The following MED12L variants were observed in gnomAD, a reference collection of about 807,000 sequenced individuals.
The protein encoded by MED12L is mediator complex subunit 12L, also known as mediator of RNA polymerase II transcription subunit 12-like protein.
In MED12L, 60 loss-of-function variants were observed where a neutral mutation model predicts 281.3. The observed-to-expected ratio is 0.21, with a 90% CI of 0.17 to 0.26. The LOEUF (loss-of-function observed/expected upper bound fraction) is 0.26. Ranked by LOEUF, MED12L falls within the 10% of genes least tolerant of loss-of-function variation. The pLI, the probability that MED12L is intolerant of heterozygous loss-of-function variation, is 1.00. For synonymous variants in MED12L, 974 were observed against 987.2 expected, an observed-to-expected ratio of 0.99 and a Z score of 0.25; for missense variants, 2,146 against 2,680.9, an observed-to-expected ratio of 0.80 and a Z score of 4.41.
intron 20 of MED12L, among the ~76,000 whole-genome samples, chr3:151,359,220 C>G (rs1013972964): frequency 2.0e-5 from 3 of 152,060 alleles, no homozygotes; most frequent in Non-Finnish European, 4.4e-5. Flanking sequence ...AGGATAATGG[C>G]CTGCAGCTAC....
intron 16 of MED12L, chr3:151,336,463 T>A: frequency 2.2e-6 from 1 of 454,346 alleles, no homozygotes; most frequent in Non-Finnish European, 4.4e-6. Flanking sequence ...CAGTGAACTT[T>A]ATACAACAAT....
chr3:151,314,253 A>G (rs548200127), intron 16 of MED12L, among the ~76,000 whole-genome samples: 293 of 152,372 alleles, frequency 1.9e-3, no homozygotes, highest in Non-Finnish European at 3.7e-3. Context: ...CAATAATAAT[A>G]TTAATGAAAC....
Position 151,169,125 on chromosome 3 carries a change from T to TG in MED12L, c.1494+3143_1494+3144insG, listed in dbSNP as rs199557350. On this transcript the variant is annotated intron_variant, in intron 11 of 44. Transcript: ENST00000687756. ...TTCTTTGTTTTTTTTTTTTTTTGTT[T>TG]TTTTTTTTTTGAGACGGAGTCTCTG... Among the ~76,000 whole-genome samples the TG allele has an allele frequency of 7.5e-3, 1,091 of 144,916 alleles. 10 individuals carry two copies. The highest frequency in any genetic ancestry group is 0.026 in the African/African-American group (1,011 of 39,212).
chr3:151,343,754 A>C (rs1752183035), intron 16 of MED12L, among the ~76,000 whole-genome samples: 1 of 56,160 alleles, frequency 1.8e-5, no homozygotes, highest in Non-Finnish European at 3.6e-5. Context: ...AAGTGGCTTA[A>C]CTGGTTTGTT....
intron 16 of MED12L, among the ~76,000 whole-genome samples, chr3:151,293,377 A>G (rs925144977): frequency 6.6e-6 from 1 of 152,186 alleles, no homozygotes; most frequent in African/African-American, 2.4e-5. Flanking sequence ...TGCGTCTCCC[A>G]CGAGGCATTT....
chr3:151,336,587 A>G (rs1410818870), intron 16 of MED12L: 1 of 455,342 alleles, frequency 2.2e-6, no homozygotes. Flanking sequence ...GTAAACTTCC[A>G]CATGTGTTAT....
intron 16 of MED12L, among the ~76,000 whole-genome samples, chr3:151,196,833 G>A (rs1724734212): frequency 6.6e-6 from 1 of 152,224 alleles, no homozygotes; most frequent in South Asian, 2.1e-4. Flanking sequence ...ATTGTAGATA[G>A]GATTTTCAAG....
chr3:151,193,209 T>TTC (rs1724208854), intron 15 of MED12L, among the ~76,000 whole-genome samples: 1 of 152,230 alleles, frequency 6.6e-6, no homozygotes, highest in Non-Finnish European at 1.5e-5. Flanking sequence ...TTACCCATAA[T>TTC]TCTGCTTTTA....
Position 151,365,778 on chromosome 3 carries a change from AT to A in MED12L, c.3186-70del, listed in dbSNP as rs1432618411. 3.1e-6 allele frequency: 4 copies of A among 1,282,934 alleles called. No individual in the cohort carries two copies. The Admixed American group carries it at 1.0e-4, about 32-fold the overall frequency. The allele number at this position is 1,282,934 out of a possible 1,614,324, so 79.5% of individuals were successfully genotyped here. On this transcript the variant is annotated intron_variant, in intron 22 of 44. Coordinates refer to ENST00000687756, the MANE Select transcript of MED12L (RefSeq NM_001393769.1). ...TTTGATGTTAGTGAAATATATGTTA[AT>A]TAAGTATATCACAGGTGAGTATTTC...
chr3:151,424,610 A>C, intron 43 of MED12L, among the ~76,000 whole-genome samples: 2 of 138,702 alleles, frequency 1.4e-5, no homozygotes, highest in African/African-American at 2.6e-5. Flanking sequence ...GACTGAGCAA[A>C]ACTCTGTCTC....
At chr3:151,348,222 A>G (rs1752764788) in intron 16 of MED12L, among the ~76,000 whole-genome samples, 1 of 151,716 alleles carries the variant, frequency 6.6e-6, no homozygotes, top group Admixed American at 6.6e-5. Flanking sequence ...ACCATCTGAT[A>G]TGCCTTAACT....
chr3:151,372,020 A>G (rs528133891), intron 26 of MED12L, among the ~76,000 whole-genome samples: 17 of 152,308 alleles, frequency 1.1e-4, no homozygotes, highest in African/African-American at 4.1e-4. Context: ...TGAATGCCCT[A>G]CTTTTCAGGG....
At chr3:151,252,609 A>G (rs550961826) in intron 16 of MED12L, among the ~76,000 whole-genome samples, 1 of 152,218 alleles carries the variant, frequency 6.6e-6, no homozygotes, top group African/African-American at 2.4e-5. Context: ...TTCGTAAATG[A>G]TACTTCTAAA....
chr3:151,221,380 A>G (rs71306544), intron 16 of MED12L, among the ~76,000 whole-genome samples: 7,931 of 152,340 alleles, frequency 0.052, 291 homozygotes, highest in Middle Eastern at 0.099. Flanking sequence ...CTGAATGTTA[A>G]TCACCAAGAA....
chr3:151,246,699 A>T (rs908749378), intron 16 of MED12L, among the ~76,000 whole-genome samples: 2 of 152,210 alleles, frequency 1.3e-5, no homozygotes, highest in African/African-American at 2.4e-5. Flanking sequence ...ACCATTCAGG[A>T]CATAGGCATG....
At chr3:151,411,184 C>G in intron 40 of MED12L, 94 bp from the exon 41 acceptor site, 1 of 994,548 alleles carries the variant, frequency 1.0e-6, no homozygotes, top group East Asian at 2.5e-5. Context: ...TCAGGGGAGT[C>G]CTCATGGGTT....
chr3:151,364,491 T>C (rs1477504838), intron 21 of MED12L, among the ~76,000 whole-genome samples: 4 of 152,194 alleles, frequency 2.6e-5, no homozygotes, highest in Non-Finnish European at 4.4e-5. Context: ...TTTTCACAGC[T>C]GTGCCATAGT....
chr3:151,292,968 T>C (rs941650299), intron 16 of MED12L, among the ~76,000 whole-genome samples: 1 of 152,200 alleles, frequency 6.6e-6, no homozygotes, highest in Non-Finnish European at 1.5e-5. Context: ...AATGACCAAC[T>C]GAGGTATATA....
At chr3:151,129,226 A>G (rs529845356) in intron 5 of MED12L, among the ~76,000 whole-genome samples, 10 of 152,306 alleles carry the variant, frequency 6.6e-5, no homozygotes, top group African/African-American at 7.2e-5. Context: ...AGTGGTGGGG[A>G]GTGGTGTGAT....
Sources: gnomAD v4.1 joint callset for allele counts (sites outside exome capture counted in the v4.1 genomes callset) on GRCh38, gnomAD v4.1.1 for gene constraint, MANE v1.5 for transcripts, NCBI Gene and HGNC (gene_info 2026-07-23, HGNC 2026-07-21) for gene names.